Variants in ELL3 observed in about 807,000 individuals in gnomAD.
ELL3 encodes RNA polymerase II elongation factor ELL3.
In ELL3, 48 loss-of-function variants were observed where a neutral mutation model predicts 58.5. The ratio of observed to expected loss-of-function variants is 0.82; its 90% CI spans 0.65 to 1.04. The LOEUF (loss-of-function observed/expected upper bound fraction) is 1.04. Among genes scored for constraint, ELL3 ranks in the 50% least tolerant of loss-of-function variants. The pLI is 0.00. For synonymous variants in ELL3, 174 were observed against 173.2 expected (o/e 1.00, Z -0.04); for missense variants, 458 against 478.4 (o/e 0.96, Z 0.40).
At chr15:43,773,435 G>A (rs1366492465) in intron 9 of ELL3, 87 bp from the exon 10 acceptor site, 13 of 1,456,962 alleles carry the variant, frequency 8.9e-6, no homozygotes, top group Non-Finnish European at 1.2e-5. Context: ...TGTAATCCCA[G>A]CACTTTGGGC....
intron 9 of ELL3, 140 bp downstream of exon 9, chr15:43,774,042 A>C: frequency 9.4e-7 from 1 of 1,067,968 alleles, no homozygotes; most frequent in Non-Finnish European, 1.3e-6. Context: ...CATTCTACCA[A>C]ATGATACAGA....
At position 43,774,911 on chromosome 15, in the gene ELL3, T is replaced by G. The variant is rs900643697; in HGVS notation, c.646-138A>C. On this transcript the variant is annotated intron_variant, in intron 6 of 10. Coordinates refer to ENST00000319359, the MANE Select transcript of ELL3 (RefSeq NM_025165.3). ...CGTTTCAGAGGCTCAGGTGGGGGGA[T>G]CGCTTGAGCCCAAGATTTCAAGACT... The G allele has an allele frequency of 1.1e-5, 10 of 933,692 alleles. No homozygotes were observed. In the Admixed American group the frequency reaches 2.5e-4, roughly 24 times the overall value. The allele number at this position is 933,692 out of a possible 1,614,324, so 57.8% of individuals were successfully genotyped here.
Position 43,776,106 on chromosome 15 carries a change from T to C in ELL3, c.214A>G (p.Ile72Val), listed in dbSNP as rs781604475. The C allele has an allele frequency of 6.2e-7, 1 of 1,614,112 alleles. No homozygotes were observed. Among genetic ancestry groups the C allele is most frequent in the Non-Finnish European group, 8.5e-7 (1 of 1,180,026 alleles). Reference protein sequence around the residue: ...GPGWSCLFSFIVSQCCQEGAG... With the variant: ...GPGWSCLFSFVVSQCCQEGAG... ...CCCTCCTGACAACACTGGGACACTA[T>C]GAAGGAGAAGAGGCAGGACCAACCA... Residue 72 changes from isoleucine (I) to valine (V), a missense_variant, in exon 3 of 11, where the codon ATA (isoleucine) becomes GTA (valine). By Grantham distance (29) the Ile-to-Val change is conservative (BLOSUM62 3). Transcript: ENST00000319359.
In ELL3 at chr15:43,776,692, T is replaced by C. The variant is rs541016242; in HGVS notation, c.132+78A>G. ...CTTGCGGAAGCCGCTCCCTCTCCCC[T>C]GCACCTTCTCCAGGGTCGCCGGCTG... On this transcript the variant is annotated intron_variant, in intron 1 of 10. Transcript: ENST00000319359. 2.9e-5 allele frequency: 45 copies of C among 1,557,194 alleles called. No homozygotes were observed. In the East Asian group the frequency reaches 6.2e-4, roughly 22 times the overall value.
At position 43,775,871 on chromosome 15, in the gene ELL3, T is replaced by C; in HGVS notation, c.334A>G (p.Ile112Val). ...CLGSLRERLIIWAAMDSIPAP... is the reference protein window; with the variant it reads ...CLGSLRERLIVWAAMDSIPAP... ...GGGATAGAATCCATGGCTGCCCAAA[T>C]AATGAGGCGCTCCCTGAGTGAGCCC... Residue 112 changes from isoleucine to valine, a missense_variant, in exon 4 of 11, where the codon ATT (isoleucine) becomes GTT (valine). Coordinates refer to ENST00000319359, the MANE Select transcript of ELL3 (RefSeq NM_025165.3). 6.2e-7 allele frequency: 1 copy of C among 1,614,118 alleles called. No individual in the cohort carries two copies. Among genetic ancestry groups the C allele is most frequent in the East Asian group, 2.2e-5 (1 of 44,874 alleles).
intron 2 of ELL3, 157 bp downstream of exon 2, chr15:43,776,352 C>A: frequency 7.7e-7 from 1 of 1,301,746 alleles, no homozygotes; most frequent in South Asian, 1.3e-5. Context: ...CTGGGACAAC[C>A]CCAGCAGCCT....
At chr15:43,775,448 A>C in intron 5 of ELL3, 67 bp from the exon 6 acceptor site, 1 of 1,606,726 alleles carries the variant, frequency 6.2e-7, no homozygotes, top group Non-Finnish European at 8.5e-7. Flanking sequence ...ATCTTTTATT[A>C]CAACATTTAA....
At chr15:43,774,548 T>C in intron 7 of ELL3, 30 bp from the exon 8 acceptor site, 1 of 1,614,124 alleles carries the variant, frequency 6.2e-7, no homozygotes, top group Non-Finnish European at 8.5e-7. Flanking sequence ...ACACAAGTGA[T>C]TATAAGTCTT....
At chr15:43,774,020 A>C (rs538260962) in intron 9 of ELL3, among the ~76,000 whole-genome samples, 162 bp downstream of exon 9, 1 of 152,234 alleles carries the variant, frequency 6.6e-6, no homozygotes, top group East Asian at 1.9e-4. Context: ...GAAGGGAAGT[A>C]ACTTCCCTTC....
In ELL3 at chr15:43,774,580, CCT is replaced by C. The variant is rs773612776; in HGVS notation, c.823+14_823+15del. On this transcript the variant is annotated intron_variant, in intron 7 of 10. Coordinates refer to ENST00000319359, the MANE Select transcript of ELL3 (RefSeq NM_025165.3). ...TCTTTTCCACTGGCATTTTTACCCT[CCT>C]CTCATTAACTCACCTTCTTGAACTG... 2 of 1,613,908 alleles carry C rather than the reference CCT, an allele frequency of 1.2e-6. No homozygotes were observed. The highest frequency in any genetic ancestry group is 1.7e-6 in the Non-Finnish European group (2 of 1,179,932).
chr15:43,775,339 C>T lies in ELL3; in HGVS notation c.612G>A (p.Leu204=). Residue 204 remains leucine (L), a synonymous_variant, in exon 6 of 11, where the codon CTG becomes CTA. Transcript: ENST00000319359. ...HVPNREPVQA[L]PSSASRKRLD... ...GACGTTTCCGGCTGGCAGAGGAAGG[C>T]AGTGCCTGAACAGGTTCTCTGTTTG... 2 of 1,613,338 alleles carry T rather than the reference C, an allele frequency of 1.2e-6. No individual in the cohort carries two copies. The highest frequency in any genetic ancestry group is 1.1e-5 in the South Asian group (1 of 91,050).
Position 43,776,301 on chromosome 15 carries a change from C to CA in ELL3, c.169-151dup, listed in dbSNP as rs878973845. ...CAGGTGCAGCTGGGCCTGAGTTCCC[C>CA]AGGAGGCCGAAACAGCACAGTCCCC... On this transcript the variant is annotated intron_variant, in intron 2 of 10. Coordinates refer to ENST00000319359, the MANE Select transcript of ELL3 (RefSeq NM_025165.3). The CA allele has an allele frequency of 1.6e-5, 18 of 1,093,924 alleles. No individual in the cohort carries two copies. In the South Asian group the frequency reaches 2.4e-4, roughly 14 times the overall value. The allele number at this position is 1,093,924 out of a possible 1,614,324, so 67.8% of individuals were successfully genotyped here.
rs771808909 is a variant in ELL3, at chr15:43,775,604, C to T, written c.490G>A (p.Val164Met). ...QPQMALEEVS[V>M]SDPLASNQGQ... is the part of the protein sequence containing the mutation. ...TGGTTGCTTGCCAGTGGATCTGACA[C>T]TGACACCTGGTGGGGAAAGTGGCAG... The change falls in exon 5 of 11, where the codon GTG becomes ATG. Residue 164 changes from valine to methionine, a missense_variant. Physicochemically the swap from Val to Met is conservative, Grantham distance 21. Transcript: ENST00000319359. 2.5e-6 allele frequency: 4 copies of T among 1,614,222 alleles called. No homozygotes were observed. Among genetic ancestry groups the T allele is most frequent in the South Asian group, 1.1e-5 (1 of 91,092 alleles).
Position 43,774,836 on chromosome 15 carries a change from CAAG to C in ELL3, c.646-66_646-64del, listed in dbSNP as rs2086903031. 6.7e-6 allele frequency: 10 copies of C among 1,489,928 alleles called. No homozygotes were observed. In the South Asian group the frequency reaches 1.4e-4, roughly 20 times the overall value. 92.3% of individuals were successfully genotyped at this position (1,489,928 alleles called of 1,614,324 possible). On this transcript the variant is annotated intron_variant, in intron 6 of 10. Coordinates refer to ENST00000319359, the MANE Select transcript of ELL3 (RefSeq NM_025165.3). ...GAGCTTCCTAAATATGTTCTTCTCT[CAAG>C]AATTTCTCCTAGGCTGGGCACAGTG...
rs2086892569 is a variant in ELL3 at position 43,773,331 on chromosome 15, T to A, written c.1056A>T (p.Ile352=). 3 of 1,614,204 alleles carry A rather than the reference T, an allele frequency of 1.9e-6. No homozygotes were observed. The African/African-American group carries it at 4.0e-5, about 22-fold the overall frequency. The change falls in exon 10 of 11, where the codon ATA becomes ATT. Residue 352 remains isoleucine (I), a synonymous_variant. Coordinates refer to ENST00000319359, the MANE Select transcript of ELL3 (RefSeq NM_025165.3). ...TCCTGAACTTTTTATATTCCTGGATTATCTTGTCTTCCAGGACCTGAAACA... is the reference window on the plus strand; with the variant it reads ...TCCTGAACTTTTTATATTCCTGGATAATCTTGTCTTCCAGGACCTGAAACA... ...TPEYKVLEDK[I]IQEYKKFRKQ...
At chr15:43,776,398 C>G in intron 2 of ELL3, 111 bp downstream of exon 2, 1 of 1,506,370 alleles carries the variant, frequency 6.6e-7, no homozygotes, top group Non-Finnish European at 9.0e-7. Context: ...TCGGAACTAC[C>G]TCAGACCGTG....
chr15:43,774,089 T>A, intron 9 of ELL3, 93 bp downstream of exon 9: 1 of 1,484,032 alleles, frequency 6.7e-7, no homozygotes, highest in South Asian at 1.3e-5. Context: ...CTTGTCACTT[T>A]GCTTAGTCAC....
At chr15:43,774,796 G>T (rs769849079) in intron 6 of ELL3, 23 bp from the exon 7 acceptor site, 1 of 1,572,966 alleles carries the variant, frequency 6.4e-7, no homozygotes, top group Non-Finnish European at 8.6e-7. Context: ...ATATCTGTGT[G>T]ACATAAACAG....
Position 43,773,143 on chromosome 15 carries a change from C to T in ELL3, c.1167G>A (p.Glu389=), listed in dbSNP as rs1482147214. 1 of 1,612,038 alleles carries T rather than the reference C, an allele frequency of 6.2e-7. No homozygotes were observed. The change falls in exon 11 of 11, where the codon GAG becomes GAA. Residue 389 remains glutamate (E), a synonymous_variant. Coordinates refer to ENST00000319359, the MANE Select transcript of ELL3 (RefSeq NM_025165.3). ...AGCTGCCCCTGTTCTTTTCCTCAAA[C>T]TCCAGGATGAGACCTTTAATGTGGG... ...KLSHIKGLIL[E]FEEKNRGS
Sources: allele counts gnomAD v4.1 joint callset (sites outside exome capture counted in the v4.1 genomes callset), GRCh38; gene constraint gnomAD v4.1.1; transcripts MANE v1.5; gene names NCBI Gene and HGNC (gene_info 2026-07-23, HGNC 2026-07-21).